STPG2: variants seen among roughly 807,000 people sequenced by gnomAD.
The protein encoded by STPG2 is sperm-tail PG-rich repeat-containing protein 2.
STPG2 carries 56 observed loss-of-function variants against 54.2 expected under a neutral mutation model. The observed-to-expected ratio is 1.03, with a 90% CI of 0.83 to 1.29. The LOEUF (loss-of-function observed/expected upper bound fraction) is 1.29. Ranked by LOEUF, STPG2 falls within the 50% of genes most tolerant of loss-of-function variation. The pLI is 0.00. For missense variants in STPG2, 596 were observed against 544.9 expected (o/e 1.09, Z -0.93); for synonymous variants, 200 against 181.8 (o/e 1.10, Z -0.81).
intron 9 of STPG2, among the ~76,000 whole-genome samples, chr4:97,815,402 A>G (rs559604067): frequency 6.6e-6 from 1 of 152,296 alleles, no homozygotes; most frequent in South Asian, 2.1e-4. Context: ...CAAAATCTGA[A>G]ATTCTCTAAT....
intron 5 of STPG2, 142 bp from the exon 6 acceptor site, chr4:97,981,460 G>GA: frequency 1.2e-6 from 1 of 811,080 alleles, no homozygotes; most frequent in Non-Finnish European, 1.9e-6. Flanking sequence ...GATGAACTAA[G>GA]ATCTTGTACC....
intron 10 of STPG2, among the ~76,000 whole-genome samples, chr4:97,609,873 GATCATAT>G (rs1287961898): frequency 1.3e-5 from 2 of 151,738 alleles, no homozygotes; most frequent in African/African-American, 4.8e-5. Context: ...TTATATTAAA[GATCATAT>G]ATACATTTTT....
chr4:97,476,113 A>G (rs554169492), intron 4 of STPG2, among the ~76,000 whole-genome samples: 1 of 152,256 alleles, frequency 6.6e-6, no homozygotes, highest in African/African-American at 2.4e-5. Context: ...GAATTAATAT[A>G]TTGTATTTAA....
At chr4:97,672,576 A>G (rs1722734275) in intron 10 of STPG2, among the ~76,000 whole-genome samples, 1 of 152,168 alleles carries the variant, frequency 6.6e-6, no homozygotes, top group Admixed American at 6.5e-5. Context: ...AAACCTTCCA[A>G]TACAGTAAGG....
chr4:98,058,991 A>C (rs1737562937), intron 5 of STPG2, among the ~76,000 whole-genome samples: 1 of 152,130 alleles, frequency 6.6e-6, no homozygotes, highest in South Asian at 2.1e-4. Context: ...AAAAAAAAAA[A>C]AACAGAGCTG....
chr4:97,551,852 T>TG (rs1731973914), intron 4 of STPG2, among the ~76,000 whole-genome samples: 1 of 152,158 alleles, frequency 6.6e-6, no homozygotes, highest in Non-Finnish European at 1.5e-5. Flanking sequence ...TACCTAGGAC[T>TG]GGGGGGTGTC....
intron 9 of STPG2, among the ~76,000 whole-genome samples, chr4:97,721,297 T>C (rs1161958878): frequency 6.6e-6 from 1 of 152,120 alleles, no homozygotes; most frequent in Non-Finnish European, 1.5e-5. Context: ...GAAAGACACA[T>C]ATTAATGGAC....
chr4:97,741,848 G>A (rs1186049961), intron 9 of STPG2, among the ~76,000 whole-genome samples: 2 of 152,204 alleles, frequency 1.3e-5, no homozygotes, highest in African/African-American at 4.8e-5. Context: ...ATTTGACCAA[G>A]CCATCCCATT....
At chr4:97,855,517 T>C (rs1560556153) in intron 8 of STPG2, among the ~76,000 whole-genome samples, 1 of 152,052 alleles carries the variant, frequency 6.6e-6, no homozygotes, top group African/African-American at 2.4e-5. Flanking sequence ...TTTAATAAGG[T>C]TGTTTTTTTT....
At chr4:97,550,007 T>A (rs1315619998) in intron 4 of STPG2, among the ~76,000 whole-genome samples, 1 of 152,120 alleles carries the variant, frequency 6.6e-6, no homozygotes, top group African/African-American at 2.4e-5. Flanking sequence ...CTGAATAAAA[T>A]AATAAAATTA....
chr4:97,612,456 A>C (rs1346370664), intron 10 of STPG2, among the ~76,000 whole-genome samples: 6 of 152,086 alleles, frequency 3.9e-5, no homozygotes, highest in Admixed American at 1.3e-4. Flanking sequence ...TTGACCCTAT[A>C]ATCCTCTTGC....
intron 10 of STPG2, among the ~76,000 whole-genome samples, chr4:97,575,127 A>T (rs1732692293): frequency 6.6e-6 from 1 of 152,018 alleles, no homozygotes; most frequent in Non-Finnish European, 1.5e-5. Context: ...TGAGTTCCAA[A>T]ATTGAATCAG....
Position 98,002,703 on chromosome 4 carries a change from A to T in STPG2, c.613-21385T>A, listed in dbSNP as rs574667965. Among the ~76,000 whole-genome samples, 4 of 152,210 alleles carry T rather than the reference A, an allele frequency of 2.6e-5. No individual in the cohort carries two copies. The South Asian group carries it at 8.3e-4, about 32-fold the overall frequency. ...ATTCCCTAAATTGAGACTACTTGTAATTACCTAAGAACATTAAGACAAACA... is the reference window on the plus strand; with the variant it reads ...ATTCCCTAAATTGAGACTACTTGTATTTACCTAAGAACATTAAGACAAACA... On this transcript the variant is annotated intron_variant, in intron 5 of 10. Coordinates refer to ENST00000295268, the MANE Select transcript of STPG2 (RefSeq NM_174952.3).
intron 8 of STPG2, among the ~76,000 whole-genome samples, chr4:97,893,813 G>T (rs1296058652): frequency 6.6e-6 from 1 of 151,958 alleles, no homozygotes; most frequent in Non-Finnish European, 1.5e-5. Flanking sequence ...AGAAAGGAAA[G>T]AATGGATGTT....
At chr4:97,690,136 A>G (rs992958340) in intron 10 of STPG2, among the ~76,000 whole-genome samples, 1 of 152,200 alleles carries the variant, frequency 6.6e-6, no homozygotes, top group Non-Finnish European at 1.5e-5. Flanking sequence ...TAAAGATACA[A>G]AAGTAGCACT....
At chr4:97,587,213 C>CA (rs1286060297) in intron 10 of STPG2, among the ~76,000 whole-genome samples, 2 of 151,346 alleles carry the variant, frequency 1.3e-5, no homozygotes, top group Admixed American at 1.3e-4. Context: ...CATCATTTTC[C>CA]CTCTTCCTCT....
At chr4:97,996,891 C>T (rs1026842472) in intron 5 of STPG2, among the ~76,000 whole-genome samples, 1 of 152,102 alleles carries the variant, frequency 6.6e-6, no homozygotes, top group Non-Finnish European at 1.5e-5. Context: ...AATCAGGTAC[C>T]ATTTCACACT....
intron 10 of STPG2, among the ~76,000 whole-genome samples, chr4:97,560,862 T>A (rs1409598063): frequency 6.6e-6 from 1 of 152,096 alleles, no homozygotes; most frequent in East Asian, 1.9e-4. Flanking sequence ...TATAAGGAAA[T>A]GTGTTTGACT....
chr4:97,972,624 C>T (rs1734372870), intron 6 of STPG2, among the ~76,000 whole-genome samples, 184 bp from the exon 7 acceptor site: 1 of 152,130 alleles, frequency 6.6e-6, no homozygotes, highest in African/African-American at 2.4e-5. Flanking sequence ...TTAACATATA[C>T]TTGCTGATAT....
Sources: gnomAD v4.1 joint callset for allele counts (sites outside exome capture counted in the v4.1 genomes callset) on GRCh38, gnomAD v4.1.1 for gene constraint, MANE v1.5 for transcripts, NCBI Gene and HGNC (gene_info 2026-07-23, HGNC 2026-07-21) for gene names.